Variants in HELB observed in about 807,000 individuals in gnomAD.
HELB encodes DNA 5'-3' helicase B.
In HELB, 96 loss-of-function variants were observed where a neutral mutation model predicts 101.7. That is an observed-to-expected ratio of 0.94 (90% confidence interval 0.80 to 1.12). The LOEUF is 1.12. Ranked by LOEUF, HELB falls within the 50% of genes most tolerant of loss-of-function variation. The pLI is 0.00. For missense variants in HELB, 1,210 were observed against 1,291.9 expected, an observed-to-expected ratio of 0.94 and a Z score of 0.97; for synonymous variants, 437 against 459.7, an observed-to-expected ratio of 0.95 and a Z score of 0.63.
Position 66,304,865 on chromosome 12 carries a change from G to A in HELB, c.322G>A (p.Gly108Arg). The change falls in exon 2 of 13, where the codon GGA becomes AGA. Residue 108 changes from glycine (G) to arginine (R), a missense_variant. This residue lies in a region of HELB where 470 missense variants were observed against 563.1 expected (regional missense o/e 0.83). Coordinates refer to ENST00000247815, the MANE Select transcript of HELB (RefSeq NM_001370285.1). ...AAGGAGCTATCAATATCAAGTTCAA[G>A]GATTTCCGTCTTACTTTTTGCAGTC... ...GSRSYQYQVQ[G>R]FPSYFLQSDM... 6.2e-7 allele frequency: 1 copy of A among 1,614,056 alleles called. No individual in the cohort carries two copies. Among genetic ancestry groups the A allele is most frequent in the Non-Finnish European group, 8.5e-7 (1 of 1,179,994 alleles).
At chr12:66,342,997 A>T (rs2053928930), downstream of HELB, 1 of 152,050 alleles carries the variant, frequency 6.6e-6, no homozygotes, top group East Asian at 1.9e-4. Context: ...CGCCCGGCCC[A>T]TATGTCTATT....
In HELB at chr12:66,331,364, C is replaced by T. The variant is rs369719142; in HGVS notation, c.2881C>T (p.Pro961Ser). The change falls in exon 12 of 13, where the codon CCT becomes TCT. Residue 961 changes from proline to serine, a missense_variant. Physicochemically the swap from Pro to Ser is moderately conservative, Grantham distance 74. This residue lies in a region of HELB where 740 missense variants were observed against 728.8 expected (regional missense o/e 1.02). Transcript: ENST00000247815. ...AAGTAAGCTCTCCTCTAGCGGCGCA[C>T]CTCCAGCAGATTTTCCGTCCCCACG... ...LQSKLSSSGA[P>S]PADFPSPRKS... The T allele has an allele frequency of 1.2e-5, 19 of 1,614,104 alleles. No homozygotes were observed. Among genetic ancestry groups the T allele is most frequent in the Non-Finnish European group, 1.5e-5 (18 of 1,180,056 alleles).
At chr12:66,330,154 G>T (rs2137013779) in intron 11 of HELB, among the ~76,000 whole-genome samples, 2 of 152,254 alleles carry the variant, frequency 1.3e-5, no homozygotes, top group South Asian at 4.1e-4. Context: ...CCACTTCTTT[G>T]TCTGTGTTGG....
chr12:66,327,923 A>G (rs565236081), intron 11 of HELB, among the ~76,000 whole-genome samples: 1 of 152,360 alleles, frequency 6.6e-6, no homozygotes. Flanking sequence ...TTGAGAAGAT[A>G]ACATTTTATC....
intron 6 of HELB, among the ~76,000 whole-genome samples, chr12:66,317,820 C>G (rs2053627028): frequency 6.6e-6 from 1 of 152,180 alleles, no homozygotes; most frequent in Non-Finnish European, 1.5e-5. Flanking sequence ...CTATCGCCAG[C>G]AAGAACAGCC....
At chr12:66,323,756 C>T (rs1565641835) in intron 9 of HELB, among the ~76,000 whole-genome samples, 1 of 152,062 alleles carries the variant, frequency 6.6e-6, no homozygotes, top group Non-Finnish European at 1.5e-5. Flanking sequence ...AAAAATTTGA[C>T]TGGGAAATGT....
intron 12 of HELB, among the ~76,000 whole-genome samples, chr12:66,333,496 C>A (rs1412401672): frequency 6.6e-6 from 1 of 150,526 alleles, no homozygotes; most frequent in East Asian, 2.0e-4. Flanking sequence ...ACCAGCCTGG[C>A]CAACATGGTG....
intron 5 of HELB, 129 bp downstream of exon 5, chr12:66,314,292 C>A: frequency 2.4e-6 from 2 of 839,494 alleles, no homozygotes; most frequent in Non-Finnish European, 3.7e-6. Context: ...ACCAAAGCTA[C>A]ATGAAATTAA....
chr12:66,315,085 TG>T (rs2053588612), intron 5 of HELB, among the ~76,000 whole-genome samples, 156 bp from the exon 6 acceptor site: 1 of 152,168 alleles, frequency 6.6e-6, no homozygotes, highest in African/African-American at 2.4e-5. Context: ...ATTTAGATTT[TG>T]TCACCTTATT....
chr12:66,310,476 A>G lies in HELB; in HGVS notation c.1548A>G (p.Glu516=). ...AACAAGACCAGAATGCTTCAGAAGA[A>G]TGGATTACCTTTACTGAGCAAAGTC... ...DFEQDQNASE[E]WITFTEQSQL... The change falls in exon 4 of 13, where the codon GAA becomes GAG. Residue 516 remains glutamate (E), a synonymous_variant. Coordinates refer to ENST00000247815, the MANE Select transcript of HELB (RefSeq NM_001370285.1). The G allele has an allele frequency of 3.7e-6, 6 of 1,614,156 alleles. No homozygotes were observed. The highest frequency in any genetic ancestry group is 5.1e-6 in the Non-Finnish European group (6 of 1,180,000).
At chr12:66,327,057 A>G (rs1215552366) in intron 11 of HELB, among the ~76,000 whole-genome samples, 1 of 134,432 alleles carries the variant, frequency 7.4e-6, no homozygotes, top group East Asian at 2.1e-4. Flanking sequence ...AAAAAAAAAA[A>G]AAAAAAAAAA....
chr12:66,321,611 C>A, intron 7 of HELB: 1 of 237,132 alleles, frequency 4.2e-6, no homozygotes, highest in South Asian at 5.1e-5. Flanking sequence ...ATTAGTCATG[C>A]TGTTACACAC....
In HELB at chr12:66,310,309, G is replaced by C. The variant is rs762166934; in HGVS notation, c.1381G>C (p.Ala461Pro). Residue 461 changes from alanine (A) to proline (P), a missense_variant, in exon 4 of 13, where the codon GCT becomes CCT. Ala to Pro is a conservative substitution (Grantham distance 27). Transcript: ENST00000247815. The stretch of plus-strand genomic sequence containing the variant: ...TCCACTGGATCGGGATCAGGTGGCT[G>C]CTTTGGAAATGATTTGCTCCAATCC... ...EVPLDRDQVA[A>P]LEMICSNPVT... 6.2e-7 allele frequency: 1 copy of C among 1,614,014 alleles called. No individual in the cohort carries two copies. The highest frequency in any genetic ancestry group is 1.3e-5 in the African/African-American group (1 of 74,924).
At chr12:66,314,970 C>T (rs983711407) in intron 5 of HELB, among the ~76,000 whole-genome samples, 4 of 150,566 alleles carry the variant, frequency 2.7e-5, no homozygotes, top group African/African-American at 9.7e-5. Flanking sequence ...GAAAAAGGGA[C>T]TAACTACAAA....
chr12:66,306,598 G>GA, intron 3 of HELB, 84 bp downstream of exon 3: 1 of 1,052,828 alleles, frequency 9.5e-7, no homozygotes, highest in South Asian at 2.4e-5. Context: ...TCTTTCAAAG[G>GA]AAAAAAATTT....
intron 1 of HELB, among the ~76,000 whole-genome samples, chr12:66,303,522 A>T (rs2053434760): frequency 6.6e-6 from 1 of 151,970 alleles, no homozygotes; most frequent in South Asian, 2.1e-4. Context: ...AATCCTAGCT[A>T]CTTGGGAGGC....
chr12:66,316,008 A>G (rs770893700), intron 6 of HELB, among the ~76,000 whole-genome samples: 4 of 152,324 alleles, frequency 2.6e-5, no homozygotes, highest in African/African-American at 7.2e-5. Flanking sequence ...TTTGGTCAAC[A>G]ACAGAGCACA....
Position 66,309,859 on chromosome 12 carries a change from A to T in HELB, c.931A>T (p.Thr311Ser), listed in dbSNP as rs1592632419. ...GCAGATATGTAGAGAAGATGGGCAC[A>T]CATATGTTGAAGTGAATGACTTAAC... ...LKQICREDGH[T>S]YVEVNDLTLT... is the part of the protein sequence containing the mutation. Residue 311 changes from threonine (T) to serine (S), a missense_variant, in exon 4 of 13, where the codon ACA becomes TCA. Coordinates refer to ENST00000247815, the MANE Select transcript of HELB (RefSeq NM_001370285.1). The T allele has an allele frequency of 2.5e-6, 4 of 1,614,208 alleles. No homozygotes were observed. In the African/African-American group the frequency reaches 5.3e-5, roughly 22 times the overall value.
chr12:66,331,256 G>C lies in HELB; in HGVS notation c.2773G>C (p.Val925Leu). 1.9e-6 allele frequency: 3 copies of C among 1,614,246 alleles called. No individual in the cohort carries two copies. Among genetic ancestry groups the C allele is most frequent in the Non-Finnish European group, 2.5e-6 (3 of 1,180,042 alleles). ...AVTRGRCRVYVIAEESQLRNA... is the reference protein window; with the variant it reads ...AVTRGRCRVYLIAEESQLRNA... ...GACCAGGGGCCGCTGCCGAGTGTATGTGATTGCAGAGGAGTCTCAGCTCCG... is the reference window on the plus strand; with the variant it reads ...GACCAGGGGCCGCTGCCGAGTGTATCTGATTGCAGAGGAGTCTCAGCTCCG... Residue 925 changes from valine (V) to leucine (L), a missense_variant, in exon 12 of 13, where the codon GTG becomes CTG. Val to Leu is a conservative substitution (Grantham distance 32). Transcript: ENST00000247815.
Sources: gnomAD v4.1 joint callset for allele counts (sites outside exome capture counted in the v4.1 genomes callset) on GRCh38, gnomAD v4.1.1 for gene constraint, gnomAD v4.1.1 regional missense constraint, MANE v1.5 for transcripts, NCBI Gene and HGNC (gene_info 2026-07-23, HGNC 2026-07-21) for gene names.